ZNF431: variants seen among roughly 807,000 people sequenced by gnomAD.
ZNF431 encodes the protein zinc finger protein 431.
A neutral mutation model predicts 57.0 loss-of-function variants in ZNF431; 34 were observed. That is an observed-to-expected ratio of 0.60 (90% CI 0.45 to 0.79). The LOEUF (loss-of-function observed/expected upper bound fraction) is 0.79, where lower values mean the gene tolerates loss of function less well. Among genes scored for constraint, ZNF431 ranks in the 30% least tolerant of loss-of-function variants. ZNF431 has a pLI of 0.00. For synonymous variants in ZNF431, 207 were observed against 220.3 expected, an observed-to-expected ratio of 0.94 and a Z score of 0.54; for missense variants, 607 against 667.1, an observed-to-expected ratio of 0.91 and a Z score of 0.99.
At position 21,143,490 on chromosome 19, in the gene ZNF431, C is replaced by T. The variant is rs934746832; in HGVS notation, c.4-61C>T. 8 of 1,319,884 alleles carry T rather than the reference C, an allele frequency of 6.1e-6. No homozygotes were observed. In the East Asian group the frequency reaches 1.6e-4, roughly 27 times the overall value. The allele number at this position is 1,319,884 out of a possible 1,614,324, so 81.8% of individuals were successfully genotyped here. ...TCTGGGGATGAACTAAGATATCCAC[C>T]GTGGTTATGTCAGCTAAAGTGCCTA... On this transcript the variant is annotated intron_variant, in intron 1 of 4. Coordinates refer to ENST00000311048, the MANE Select transcript of ZNF431 (RefSeq NM_133473.4).
intron 4 of ZNF431, among the ~76,000 whole-genome samples, chr19:21,174,867 G>A (rs1971005091): frequency 6.6e-6 from 1 of 152,066 alleles, no homozygotes; most frequent in South Asian, 2.1e-4. Flanking sequence ...CCACCTCCTA[G>A]ATTCAAGCGA....
Position 21,173,155 on chromosome 19 carries a change from A to G in ZNF431, c.319+5489A>G, listed in dbSNP as rs76731094. Among the ~76,000 whole-genome samples the G allele has an allele frequency of 6.5e-4, 99 of 152,298 alleles. 1 individual carries two copies. Among genetic ancestry groups the G allele is most frequent in the African/African-American group, 2.1e-3 (86 of 41,566 alleles). ...TGATTTCTGTGATATTTCATTGAAT[A>G]TATATGTTTCATTTTTGATGTGTTT... is the stretch of plus-strand genomic sequence containing the variant. On this transcript the variant is annotated intron_variant, in intron 4 of 4. Coordinates refer to ENST00000311048, the MANE Select transcript of ZNF431 (RefSeq NM_133473.4).
intron 2 of ZNF431, among the ~76,000 whole-genome samples, chr19:21,158,225 T>G (rs1191607324): frequency 6.6e-6 from 1 of 151,946 alleles, no homozygotes; most frequent in Non-Finnish European, 1.5e-5. Context: ...TGAGACAGAG[T>G]CTTGCTCTGT....
intron 2 of ZNF431, among the ~76,000 whole-genome samples, chr19:21,163,049 T>A (rs1048983745): frequency 6.6e-6 from 1 of 152,224 alleles, no homozygotes; most frequent in Non-Finnish European, 1.5e-5. Flanking sequence ...CTGAACCCTT[T>A]ATCTAAATCC....
intron 2 of ZNF431, among the ~76,000 whole-genome samples, chr19:21,161,622 C>T (rs1168045040): frequency 6.6e-6 from 1 of 152,062 alleles, no homozygotes; most frequent in Admixed American, 6.6e-5. Context: ...TACAGAGGGT[C>T]CAGTGCCTAA....
Position 21,142,094 on chromosome 19 carries a change from G to T in ZNF431, c.-90G>T. On this transcript the variant is annotated 5_prime_UTR_variant, in exon 1 of 5. Coordinates refer to ENST00000311048, the MANE Select transcript of ZNF431 (RefSeq NM_133473.4). ...TCCCCTTCGCTGCTCTGTGTCCTCT[G>T]CTCCTAGAGGCCCAACATCTGTGGC... 6.4e-7 allele frequency: 1 copy of T among 1,559,312 alleles called. No homozygotes were observed. The highest frequency in any genetic ancestry group is 1.1e-5 in the South Asian group (1 of 89,112).
chr19:21,160,480 A>G (rs1273395964), intron 2 of ZNF431, among the ~76,000 whole-genome samples: 1 of 152,174 alleles, frequency 6.6e-6, no homozygotes, highest in Non-Finnish European at 1.5e-5. Context: ...CTCTTACCCA[A>G]AAGTGAATGA....
chr19:21,181,469 A>G (rs780226465), intron 4 of ZNF431, among the ~76,000 whole-genome samples: 1 of 152,060 alleles, frequency 6.6e-6, no homozygotes, highest in Non-Finnish European at 1.5e-5. Context: ...TCATAAGACT[A>G]TGCTTGTAAA....
At chr19:21,143,435 G>GT (rs1255715956) in intron 1 of ZNF431, 116 bp from the exon 2 acceptor site, 2 of 810,702 alleles carry the variant, frequency 2.5e-6, no homozygotes, top group Non-Finnish European at 4.1e-6. Context: ...CCACCTTTTA[G>GT]TTTTTTTCTG....
chr19:21,151,277 A>G (rs961077038), intron 2 of ZNF431: 7 of 152,264 alleles, frequency 4.6e-5, no homozygotes, highest in South Asian at 2.1e-4. Context: ...GAATGGTTCT[A>G]TCTCCTGACC....
rs1253434402 is a variant in ZNF431 at position 21,187,085 on chromosome 19, T to G, written c.*3051T>G. The G allele has an allele frequency of 6.6e-6, 1 of 152,162 alleles. No homozygotes were observed. Among genetic ancestry groups the G allele is most frequent in the African/African-American group, 2.4e-5 (1 of 41,446 alleles). 9.4% of individuals were successfully genotyped at this position (152,162 alleles called of 1,614,324 possible). A position where few individuals can be genotyped will look rare whatever the true frequency, so the allele number is the denominator to read the frequency against. On this transcript the variant is annotated 3_prime_UTR_variant, in exon 5 of 5. Coordinates refer to ENST00000311048, the MANE Select transcript of ZNF431 (RefSeq NM_133473.4). ...CATAAATATTCCTGCTGAAGTTAGT[T>G]TGTAACTTCAAGTCAAAGATGAAAA...
chr19:21,144,459 C>G (rs1970028007), intron 2 of ZNF431, among the ~76,000 whole-genome samples: 1 of 152,050 alleles, frequency 6.6e-6, no homozygotes, highest in South Asian at 2.1e-4. Context: ...CTGCCTCAGC[C>G]TCCTAAAGTG....
At chr19:21,159,922 A>C (rs1368627750) in intron 2 of ZNF431, among the ~76,000 whole-genome samples, 1 of 150,350 alleles carries the variant, frequency 6.7e-6, no homozygotes, top group Non-Finnish European at 1.5e-5. Context: ...CTTTGCTCCA[A>C]GGTTGCAGTC....
intron 2 of ZNF431, among the ~76,000 whole-genome samples, chr19:21,154,632 A>G (rs1411549903): frequency 6.6e-6 from 1 of 152,138 alleles, no homozygotes; most frequent in Admixed American, 6.6e-5. Flanking sequence ...TTACAGTCCC[A>G]CCAACAGTGT....
intron 2 of ZNF431, among the ~76,000 whole-genome samples, chr19:21,145,021 TG>T (rs1161997898): frequency 5.1e-5 from 2 of 38,838 alleles, no homozygotes; most frequent in African/African-American, 2.1e-4. Flanking sequence ...TGGATACTTT[TG>T]CTTCTCTTAT....
chr19:21,181,489 G>T (rs1460080587), intron 4 of ZNF431, among the ~76,000 whole-genome samples: 1 of 151,914 alleles, frequency 6.6e-6, no homozygotes, highest in Admixed American at 6.6e-5. Flanking sequence ...ATGACATGTC[G>T]TTTTTATCTT....
chr19:21,161,103 G>A (rs974836318), intron 2 of ZNF431, among the ~76,000 whole-genome samples: 2 of 152,110 alleles, frequency 1.3e-5, no homozygotes, highest in African/African-American at 2.4e-5. Flanking sequence ...GGGAGGTGGA[G>A]GTTGCAGTGA....
rs1203307246 is a variant in ZNF431, at chr19:21,196,003, A to G, written c.*11969A>G. 3 of 152,162 alleles carry G rather than the reference A, an allele frequency of 2.0e-5. No homozygotes were observed. The highest frequency in any genetic ancestry group is 2.0e-4 in the Admixed American group (3 of 15,260). The allele number at this position is 152,162 out of a possible 1,614,324, so 9.4% of individuals were successfully genotyped here. ...TTTATATTTTGTGTTATCTGGTTAT[A>G]AATTTTATATAGCATTCAATTTGAC... is the stretch of plus-strand genomic sequence containing the variant. On this transcript the variant is annotated 3_prime_UTR_variant, in exon 5 of 5. Coordinates refer to ENST00000311048, the MANE Select transcript of ZNF431 (RefSeq NM_133473.4).
intron 2 of ZNF431, among the ~76,000 whole-genome samples, chr19:21,155,537 G>GT (rs1223831072): frequency 2.0e-5 from 3 of 152,158 alleles, no homozygotes; most frequent in African/African-American, 7.2e-5. Flanking sequence ...CTTTAAAGTA[G>GT]TTTTTTCCAA....
Sources: allele counts gnomAD v4.1 joint callset (sites outside exome capture counted in the v4.1 genomes callset), GRCh38; gene constraint gnomAD v4.1.1; transcripts MANE v1.5; gene names NCBI Gene and HGNC (gene_info 2026-07-23, HGNC 2026-07-21).